Variants in HGD observed in about 807,000 individuals in gnomAD.
The protein encoded by HGD is homogentisate 1,2-dioxygenase, also known as homogentisate oxidase.
Under a neutral mutation model 60.8 loss-of-function variants are expected in HGD, and 61 were observed. The ratio of observed to expected loss-of-function variants is 1.00; its 90% CI spans 0.82 to 1.24. The LOEUF (loss-of-function observed/expected upper bound fraction) is 1.24. HGD is among the 50% of genes most tolerant of loss of function. The pLI, the probability that HGD is intolerant of heterozygous loss-of-function variation, is 0.00. For missense variants in HGD, 542 were observed against 547.1 expected (o/e 0.99, Z 0.09); for synonymous variants, 212 against 187.7 (o/e 1.13, Z -1.06).
intron 3 of HGD, 30 bp from the exon 4 acceptor site, chr3:120,670,562 G>A (rs1708004669): frequency 8.1e-7 from 1 of 1,227,912 alleles, no homozygotes; most frequent in Admixed American, 1.7e-5. Flanking sequence ...AGATATACAA[G>A]CCTTAGAGTA....
Position 120,650,873 on chromosome 3 carries a change from A to G in HGD, c.343-8T>C. 1.2e-6 allele frequency: 2 copies of G among 1,607,904 alleles called. No homozygotes were observed. Among genetic ancestry groups the G allele is most frequent in the South Asian group, 1.1e-5 (1 of 90,982 alleles). ...ACACAAGGTATGCAGGCCCTGGGAG[A>G]GACCCACAGAAGAGGGAAAGGTTAA... On this transcript the variant is annotated splice_region_variant and splice_polypyrimidine_tract_variant and intron_variant, in intron 5 of 13. Transcript: ENST00000283871.
intron 9 of HGD, 126 bp from the exon 10 acceptor site, chr3:120,644,569 A>T: frequency 6.4e-7 from 1 of 1,560,806 alleles, no homozygotes. Flanking sequence ...TTCATTGCTC[A>T]AAGATTCACT....
intron 13 of HGD, among the ~76,000 whole-genome samples, chr3:120,630,271 C>G (rs1940542695): frequency 6.6e-6 from 1 of 152,134 alleles, no homozygotes; most frequent in African/African-American, 2.4e-5. Context: ...CTAGGAAAGA[C>G]TATTTTAAAA....
At chr3:120,644,597 C>T (rs890940572) in intron 9 of HGD, 154 bp from the exon 10 acceptor site, 2 of 1,538,428 alleles carry the variant, frequency 1.3e-6, no homozygotes, top group Non-Finnish European at 1.7e-6. Flanking sequence ...CAGTCTGGTA[C>T]CTTTTAGGAA....
chr3:120,639,204 AC>A (rs1940890119), intron 11 of HGD, among the ~76,000 whole-genome samples: 1 of 151,076 alleles, frequency 6.6e-6, no homozygotes, highest in Non-Finnish European at 1.5e-5. Context: ...TAGTTTTTTC[AC>A]CCTCCCCCTT....
At chr3:120,652,774 G>C in intron 4 of HGD, 123 bp from the exon 5 acceptor site, 1 of 688,594 alleles carries the variant, frequency 1.5e-6, no homozygotes, top group Non-Finnish European at 2.6e-6. Flanking sequence ...GGCTCTACTT[G>C]TGATTTTGTT....
intron 3 of HGD, 48 bp downstream of exon 3, chr3:120,674,853 G>A (rs781531855): frequency 1.5e-6 from 2 of 1,301,236 alleles, no homozygotes; most frequent in Non-Finnish European, 2.2e-6. Context: ...CAAAGTCCCT[G>A]TCATAGTACC....
chr3:120,652,571 G>C, intron 5 of HGD, 21 bp downstream of exon 5: 1 of 1,579,382 alleles, frequency 6.3e-7, no homozygotes, highest in Non-Finnish European at 8.7e-7. Context: ...AGTAGGGAGG[G>C]TGTGGATGGG....
At chr3:120,642,332 C>T (rs971816627) in intron 10 of HGD, among the ~76,000 whole-genome samples, 2 of 152,102 alleles carry the variant, frequency 1.3e-5, no homozygotes, top group African/African-American at 4.8e-5. Flanking sequence ...CTCATAGAGG[C>T]GTGGTTAGGG....
intron 6 of HGD, among the ~76,000 whole-genome samples, chr3:120,649,369 T>C (rs1941264746): frequency 6.6e-6 from 1 of 151,958 alleles, no homozygotes; most frequent in Admixed American, 6.6e-5. Context: ...GGTCTCGAGC[T>C]CCTGACCTCG....
chr3:120,630,825 T>TATATATATATATATATAC (rs1491569082), intron 13 of HGD, among the ~76,000 whole-genome samples: 67 of 104,118 alleles, frequency 6.4e-4, no homozygotes, highest in South Asian at 2.4e-3. Flanking sequence ...TATATATATA[T>TATATATATATATATATAC]ACACATACAC....
intron 4 of HGD, among the ~76,000 whole-genome samples, chr3:120,662,760 A>AG (rs748493316): frequency 2.0e-5 from 3 of 152,126 alleles, no homozygotes; most frequent in Non-Finnish European, 4.4e-5. Flanking sequence ...AGATATTTAG[A>AG]GGGAAAAACA....
intron 13 of HGD, among the ~76,000 whole-genome samples, chr3:120,630,369 A>G (rs1433572360): frequency 6.6e-6 from 1 of 152,206 alleles, no homozygotes; most frequent in Non-Finnish European, 1.5e-5. Context: ...ACCCAACTTC[A>G]AAGTATACTA....
chr3:120,663,559 A>T (rs1229422180), intron 4 of HGD, among the ~76,000 whole-genome samples: 1 of 152,188 alleles, frequency 6.6e-6, no homozygotes, highest in African/African-American at 2.4e-5. Flanking sequence ...CAGTCAAACT[A>T]TATCAAGATT....
At chr3:120,633,571 T>G in intron 12 of HGD, 1 of 1,449,156 alleles carries the variant, frequency 6.9e-7, no homozygotes, top group South Asian at 1.2e-5. Context: ...TTCCACTCTC[T>G]GACAGGAATC....
chr3:120,679,736 G>A (rs1200053807), intron 1 of HGD, among the ~76,000 whole-genome samples: 1 of 152,128 alleles, frequency 6.6e-6, no homozygotes, highest in Non-Finnish European at 1.5e-5. Context: ...ACAAACCAAG[G>A]AATGTGGGTA....
At chr3:120,653,126 GT>G (rs888310784) in intron 4 of HGD, among the ~76,000 whole-genome samples, 4 of 152,042 alleles carry the variant, frequency 2.6e-5, no homozygotes, top group Non-Finnish European at 4.4e-5. Context: ...GTTCTAAATT[GT>G]TTTTTTAAGA....
At position 120,663,052 on chromosome 3, in the gene HGD, G is replaced by A. The variant is rs189402169; in HGVS notation, c.282+7375C>T. ...GGCCTCAGAAGAAAGCAACCCTGCC[G>A]ATACCTCAATCTTGGAATCCAGAAC... On this transcript the variant is annotated intron_variant, in intron 4 of 13. Coordinates refer to ENST00000283871, the MANE Select transcript of HGD (RefSeq NM_000187.4). 4.1e-4 allele frequency among the ~76,000 whole-genome samples: 63 copies of A among 152,190 alleles called. 1 individual carries two copies. The highest frequency in any genetic ancestry group is 1.3e-3 in the African/African-American group (55 of 41,540).
At chr3:120,680,762 C>T (rs1366337235) in intron 1 of HGD, among the ~76,000 whole-genome samples, 1 of 152,176 alleles carries the variant, frequency 6.6e-6, no homozygotes, top group African/African-American at 2.4e-5. Context: ...TCAAATTTGG[C>T]TGACACAGTT....
Sources: allele counts gnomAD v4.1 joint callset (sites outside exome capture counted in the v4.1 genomes callset), GRCh38; gene constraint gnomAD v4.1.1; transcripts MANE v1.5; gene names NCBI Gene and HGNC (gene_info 2026-07-23, HGNC 2026-07-21).